The following DPP9 variants were observed in gnomAD, a reference collection of about 807,000 sequenced individuals.
DPP9 encodes dipeptidyl peptidase IV-related protein-2.
In DPP9, 50 loss-of-function variants were observed where a neutral mutation model predicts 110.7. That is an observed-to-expected ratio of 0.45 (90% CI 0.36 to 0.57). The LOEUF (loss-of-function observed/expected upper bound fraction) is 0.57, where lower values mean the gene tolerates loss of function less well. DPP9 is among the 20% of genes least tolerant of loss of function. The pLI is 0.00. For missense variants in DPP9, 1,022 were observed against 1,217.9 expected (o/e 0.84, Z 2.39); for synonymous variants, 561 against 514.4 (o/e 1.09, Z -1.23).
chr19:4,703,826 G>A, intron 7 of DPP9, 60 bp downstream of exon 7: 8 of 1,534,930 alleles, frequency 5.2e-6, no homozygotes, highest in Non-Finnish European at 7.0e-6. Context: ...GGGCAATGGG[G>A]CCTTTCTGGA....
chr19:4,689,806 C>T lies in DPP9; in HGVS notation c.1597-84G>A. On this transcript the variant is annotated intron_variant, in intron 14 of 21. Transcript: ENST00000262960. This position sits in a 1 kb window ranked among gnomAD's most constrained non-coding sequence, Gnocchi z 7.0. Reference sequence around the variant, plus strand: ...TCTCCACGCCCCACAGGAGTGGGCCCCATGTTCCTCGGACTGGGGACGCAT... The same window carrying T: ...TCTCCACGCCCCACAGGAGTGGGCCTCATGTTCCTCGGACTGGGGACGCAT... 7 of 1,389,036 alleles carry T rather than the reference C, an allele frequency of 5.0e-6. No homozygotes were observed. In the South Asian group the frequency reaches 5.8e-5, roughly 12 times the overall value. 86.0% of individuals were successfully genotyped at this position (1,389,036 alleles called of 1,614,324 possible).
In DPP9 at chr19:4,722,483, C is replaced by A. The variant is rs1599969091; in HGVS notation, c.-36+16G>T. The A allele has an allele frequency of 4.3e-6, 3 of 703,028 alleles. No homozygotes were observed. Among genetic ancestry groups the A allele is most frequent in the Non-Finnish European group, 7.8e-6 (3 of 384,982 alleles). The allele number at this position is 703,028 out of a possible 1,614,324, so 43.5% of individuals were successfully genotyped here. ...CACCCCAGCCTTCCTGGCTGCCAAA[C>A]CCCAGCACAACTGACCTTCTAAAGG... On this transcript the variant is annotated intron_variant, in intron 2 of 21. Transcript: ENST00000262960.
chr19:4,716,863 T>G lies in DPP9; in HGVS notation c.57-2526A>C, dbSNP rs1464288450. Among the ~76,000 whole-genome samples, 3 of 152,088 alleles carry G rather than the reference T, an allele frequency of 2.0e-5. No homozygotes were observed. The East Asian group carries it at 5.8e-4, about 29-fold the overall frequency. On this transcript the variant is annotated intron_variant, in intron 3 of 21. Coordinates refer to ENST00000262960, the MANE Select transcript of DPP9 (RefSeq NM_139159.5). Reference sequence around the variant, plus strand: ...ACATGCTGTGTGATAAGCCCAGCAATTACAGCAGGAAAAGTCACAGAGTGC... The same window carrying G: ...ACATGCTGTGTGATAAGCCCAGCAAGTACAGCAGGAAAAGTCACAGAGTGC...
intron 3 of DPP9, 163 bp downstream of exon 3, chr19:4,719,688 C>T (rs531583849): frequency 1.7e-5 from 14 of 832,206 alleles, no homozygotes; most frequent in Middle Eastern, 2.8e-4. Flanking sequence ...CCCCGCACTA[C>T]GCCACACTGC....
Position 4,689,182 on chromosome 19 carries a change from C to T in DPP9, c.1750-290G>A, listed in dbSNP as rs116846336. ...AGGGCTCTGCCACTGCACAGGCCTGCAAGCTTGCTGGCTCCACAGCTGGCA... is the reference window on the plus strand; with the variant it reads ...AGGGCTCTGCCACTGCACAGGCCTGTAAGCTTGCTGGCTCCACAGCTGGCA... On this transcript the variant is annotated intron_variant, in intron 15 of 21. Transcript: ENST00000262960. This position sits in a 1 kb window ranked among gnomAD's most constrained non-coding sequence, Gnocchi z 7.0. Among the ~76,000 whole-genome samples, 792 of 152,310 alleles carry T rather than the reference C, an allele frequency of 5.2e-3. 6 individuals carry two copies. The highest frequency in any genetic ancestry group is 0.017 in the Middle Eastern group (5 of 292).
rs190959585 is a variant in DPP9 at position 4,682,033 on chromosome 19, A to G, written c.2474+663T>C. Among the ~76,000 whole-genome samples the G allele has an allele frequency of 2.0e-5, 3 of 151,862 alleles. No individual in the cohort carries two copies. On this transcript the variant is annotated intron_variant, in intron 20 of 21. Transcript: ENST00000262960. This position sits in a 1 kb window ranked among gnomAD's most constrained non-coding sequence, Gnocchi z 7.1. The stretch of plus-strand genomic sequence containing the variant: ...CCGGCTAATTTTTTGTATTTTTAGT[A>G]GAGACGGGGTTTCATCTTGTTAGCC...
intron 13 of DPP9, among the ~76,000 whole-genome samples, chr19:4,691,479 AAAAAAAC>A (rs1412320366): frequency 4.6e-5 from 7 of 151,532 alleles, no homozygotes; most frequent in East Asian, 1.9e-4. Context: ...GTCTCAAAAA[AAAAAAAC>A]AAAAAACAAA....
At position 4,704,989 on chromosome 19, in the gene DPP9, C is replaced by T. The variant is rs1355292386; in HGVS notation, c.427-685G>A. ...CTATAGCCTGAGTGACAGAGTGAGA[C>T]TTTGTCTCAAAAAAAAAAGCAGAAT... On this transcript the variant is annotated intron_variant, in intron 5 of 21. Transcript: ENST00000262960. The surrounding 1 kb of genome is among the most constrained non-coding windows in gnomAD (Gnocchi z 6.0). Among the ~76,000 whole-genome samples, 2 of 151,678 alleles carry T rather than the reference C, an allele frequency of 1.3e-5. No homozygotes were observed. The highest frequency in any genetic ancestry group is 2.9e-5 in the Non-Finnish European group (2 of 67,928).
At position 4,694,877 on chromosome 19, in the gene DPP9, G is replaced by T; in HGVS notation, c.1354-54C>A. On this transcript the variant is annotated intron_variant, in intron 12 of 21. Coordinates refer to ENST00000262960, the MANE Select transcript of DPP9 (RefSeq NM_139159.5). This position sits in a 1 kb window ranked among gnomAD's most constrained non-coding sequence, Gnocchi z 4.0. ...CAGAAGGTGTGGGTGGCCGGGCATG[G>T]TGGCTCACACCAGTAATCCCAGTAG... 1 of 1,580,812 alleles carries T rather than the reference G, an allele frequency of 6.3e-7. No homozygotes were observed. The highest frequency in any genetic ancestry group is 8.6e-7 in the Non-Finnish European group (1 of 1,157,322).
At chr19:4,678,558 C>G (rs990007707) in intron 21 of DPP9, among the ~76,000 whole-genome samples, 40 of 152,178 alleles carry the variant, frequency 2.6e-4, no homozygotes, top group Non-Finnish European at 5.0e-4. Context: ...GGGCTCGGGT[C>G]TCAGGCTGGG....
At chr19:4,690,695 G>A (rs1407941644) in intron 14 of DPP9, among the ~76,000 whole-genome samples, 183 bp downstream of exon 14, 2 of 152,214 alleles carry the variant, frequency 1.3e-5, no homozygotes, top group Non-Finnish European at 2.9e-5. Flanking sequence ...GGTAGACACC[G>A]TGCTGAGGCC....
rs2092018415 is a variant in DPP9 at position 4,698,920 on chromosome 19, A to G, written c.1075-1269T>C. Reference sequence around the variant, plus strand: ...ACACCTGTAATCCCAACACTTTGGGAGGCCGAGGCGGGCGGATCACGAGGT... The same window carrying G: ...ACACCTGTAATCCCAACACTTTGGGGGGCCGAGGCGGGCGGATCACGAGGT... On this transcript the variant is annotated intron_variant, in intron 10 of 21. Transcript: ENST00000262960. This position sits in a 1 kb window ranked among gnomAD's most constrained non-coding sequence, Gnocchi z 4.2. Among the ~76,000 whole-genome samples the G allele has an allele frequency of 1.3e-5, 2 of 152,148 alleles. No individual in the cohort carries two copies. The highest frequency in any genetic ancestry group is 4.8e-5 in the African/African-American group (2 of 41,416).
chr19:4,720,790 G>A (rs774810684), intron 2 of DPP9, among the ~76,000 whole-genome samples: 5 of 152,208 alleles, frequency 3.3e-5, no homozygotes, highest in African/African-American at 9.6e-5. Flanking sequence ...GCAATGCCAA[G>A]CCGGAGACCC....
At chr19:4,723,132 G>A (rs1159660275) in intron 1 of DPP9, among the ~76,000 whole-genome samples, 5 of 152,218 alleles carry the variant, frequency 3.3e-5, no homozygotes, top group African/African-American at 7.2e-5. Flanking sequence ...TTAATAGAGG[G>A]ATCAAGTAGG....
At chr19:4,719,084 C>T (rs1005119618) in intron 3 of DPP9, 1 of 152,068 alleles carries the variant, frequency 6.6e-6, no homozygotes. Context: ...AATCCCAGCA[C>T]TTTGGGAGGC....
chr19:4,722,099 C>T (rs958251208), intron 2 of DPP9: 4 of 197,734 alleles, frequency 2.0e-5, no homozygotes, highest in Non-Finnish European at 4.1e-5. Context: ...TAAATGACAG[C>T]TAGCATTGTC....
At position 4,695,905 on chromosome 19, in the gene DPP9, C is replaced by T. The variant is rs193198602; in HGVS notation, c.1176-350G>A. Among the ~76,000 whole-genome samples the T allele has an allele frequency of 2.6e-5, 4 of 152,064 alleles. No individual in the cohort carries two copies. Among genetic ancestry groups the T allele is most frequent in the Non-Finnish European group, 5.9e-5 (4 of 68,016 alleles). On this transcript the variant is annotated intron_variant, in intron 11 of 21. Transcript: ENST00000262960. The surrounding 1 kb of genome is among the most constrained non-coding windows in gnomAD (Gnocchi z 4.7). Reference sequence around the variant, plus strand: ...TTTGCTTTATTTTATTTATTTATTTCTTTATTTAATTTTTTGAGACAGAGT... The same window carrying T: ...TTTGCTTTATTTTATTTATTTATTTTTTTATTTAATTTTTTGAGACAGAGT...
intron 14 of DPP9, among the ~76,000 whole-genome samples, chr19:4,690,417 C>T (rs1278934386): frequency 6.6e-6 from 1 of 152,188 alleles, no homozygotes; most frequent in African/African-American, 2.4e-5. Flanking sequence ...GTGGGGTGAC[C>T]AGGGACCCTA....
rs2090070180 is a variant in DPP9, at chr19:4,682,671, G to C, written c.2474+25C>G. ...GGTGCAGGAGAAGCCCCGGGGAGGA[G>C]CGCAGGGCAGGGCAGTGGCCTTACT... On this transcript the variant is annotated intron_variant, in intron 20 of 21. Transcript: ENST00000262960. This position sits in a 1 kb window ranked among gnomAD's most constrained non-coding sequence, Gnocchi z 7.1. 1.9e-6 allele frequency: 3 copies of C among 1,605,924 alleles called. No individual in the cohort carries two copies. Among genetic ancestry groups the C allele is most frequent in the Non-Finnish European group, 2.5e-6 (3 of 1,176,778 alleles).
Sources: allele counts gnomAD v4.1 joint callset (sites outside exome capture counted in the v4.1 genomes callset), GRCh38; gene constraint gnomAD v4.1.1; non-coding constraint Gnocchi (gnomAD v3.1); transcripts MANE v1.5; gene names NCBI Gene and HGNC (gene_info 2026-07-23, HGNC 2026-07-21).